Variants in KAZN observed in about 807,000 individuals in gnomAD.
The protein encoded by KAZN is kazrin.
A neutral mutation model predicts 87.4 loss-of-function variants in KAZN; 40 were observed. That is an observed-to-expected ratio of 0.46 (90% confidence interval 0.36 to 0.60). KAZN has a LOEUF of 0.60. Among genes scored for constraint, KAZN ranks in the 20% least tolerant of loss-of-function variants. KAZN has a pLI of 0.00. For synonymous variants in KAZN, 466 were observed against 458.3 expected (o/e 1.02, Z -0.22); for missense variants, 898 against 1,073.9 (o/e 0.84, Z 2.29).
At chr1:14,891,108 T>TGCTGGGATTACAGG (rs1654672418) in intron 1 of KAZN, among the ~76,000 whole-genome samples, 1 of 152,100 alleles carries the variant, frequency 6.6e-6, no homozygotes, top group South Asian at 2.1e-4. Context: ...CCTCCCAAAG[T>TGCTGGGATTACAGG]GCTGGGATTA....
At chr1:14,816,376 C>A (rs765598330) in intron 1 of KAZN, among the ~76,000 whole-genome samples, 2 of 152,138 alleles carry the variant, frequency 1.3e-5, no homozygotes, top group Non-Finnish European at 2.9e-5. Context: ...GGGGAACAAC[C>A]CACTGCTATG....
At chr1:14,119,881 T>C (rs2101698269) in intron 1 of KAZN, among the ~76,000 whole-genome samples, 2 of 144,162 alleles carry the variant, frequency 1.4e-5, no homozygotes, top group East Asian at 4.2e-4. Flanking sequence ...AGCAGGTCTT[T>C]GCCATGTGCC....
intron 1 of KAZN, among the ~76,000 whole-genome samples, chr1:14,613,751 A>G (rs1677996588): frequency 6.6e-6 from 1 of 152,218 alleles, no homozygotes; most frequent in Admixed American, 6.5e-5. Flanking sequence ...CTGGCCACCC[A>G]GAGTCTCTGC....
intron 1 of KAZN, among the ~76,000 whole-genome samples, chr1:13,951,781 A>G (rs148113126): frequency 1.4e-4 from 21 of 152,302 alleles, no homozygotes; most frequent in Admixed American, 1.0e-3. Context: ...CAGGCAAGCC[A>G]TACAGACATA....
intron 2 of KAZN, among the ~76,000 whole-genome samples, chr1:14,583,256 A>G (rs1388294988): frequency 6.6e-6 from 1 of 152,214 alleles, no homozygotes; most frequent in Non-Finnish European, 1.5e-5. Flanking sequence ...AAGCTAGTAC[A>G]CTATCCTGCC....
intron 2 of KAZN, among the ~76,000 whole-genome samples, chr1:14,555,164 G>T (rs180834772): frequency 2.5e-3 from 381 of 152,328 alleles, no homozygotes; most frequent in African/African-American, 9.0e-3. Flanking sequence ...AATAGCAATT[G>T]AGTGGGGACA....
intron 1 of KAZN, among the ~76,000 whole-genome samples, chr1:14,879,111 G>A (rs182279211): frequency 2.3e-4 from 35 of 152,272 alleles, no homozygotes; most frequent in African/African-American, 8.2e-4. Context: ...GATTGCATTG[G>A]GCATTTGAGC....
intron 1 of KAZN, among the ~76,000 whole-genome samples, chr1:14,076,046 C>T (rs1643444164): frequency 6.6e-6 from 1 of 152,118 alleles, no homozygotes; most frequent in Admixed American, 6.6e-5. Flanking sequence ...CTTTGGGAGG[C>T]TGAGGCAGGT....
At chr1:15,083,310 A>G (rs1481314310) in intron 8 of KAZN, among the ~76,000 whole-genome samples, 1 of 152,212 alleles carries the variant, frequency 6.6e-6, no homozygotes, top group Non-Finnish European at 1.5e-5. Flanking sequence ...GGAAAGTAGT[A>G]CATAGCAAAA....
At chr1:14,340,888 C>CTTTTTTTTTTTT (rs3085672) in intron 2 of KAZN, among the ~76,000 whole-genome samples, 1,187 of 103,112 alleles carry the variant, frequency 0.012, 144 homozygotes, top group African/African-American at 0.038. Context: ...ATGATTTTCC[C>CTTTTTTTTTTTT]TTTTTTTTTT....
chr1:14,118,519 C>A (rs1163570811), intron 1 of KAZN, among the ~76,000 whole-genome samples: 2 of 152,170 alleles, frequency 1.3e-5, no homozygotes, highest in Non-Finnish European at 2.9e-5. Flanking sequence ...ATTTACTGTA[C>A]ATTCCTGAAA....
At chr1:14,993,167 T>TA (rs57404016) in intron 2 of KAZN, among the ~76,000 whole-genome samples, 4,922 of 133,146 alleles carry the variant, frequency 0.037, 252 homozygotes, top group African/African-American at 0.12. Context: ...CATAAGCAAT[T>TA]AAAAAAAAAA....
intron 1 of KAZN, among the ~76,000 whole-genome samples, chr1:14,667,821 A>T (rs916291294): frequency 2.0e-5 from 3 of 150,972 alleles, no homozygotes; most frequent in East Asian, 2.0e-4. Context: ...AAAAAAAAAA[A>T]GAATGAAAAT....
chr1:14,031,954 G>C (rs1188923875), intron 1 of KAZN, among the ~76,000 whole-genome samples: 5 of 152,262 alleles, frequency 3.3e-5, no homozygotes, highest in Admixed American at 2.0e-4. Context: ...GGGACAAACT[G>C]TTTTTTGCCC....
intron 1 of KAZN, among the ~76,000 whole-genome samples, chr1:14,671,091 A>C (rs1311151486): frequency 6.6e-6 from 1 of 152,188 alleles, no homozygotes; most frequent in Non-Finnish European, 1.5e-5. Context: ...GAAGTTGCCT[A>C]ATCACAGATG....
At chr1:14,408,269 T>C (rs1035089367) in intron 2 of KAZN, among the ~76,000 whole-genome samples, 3 of 152,204 alleles carry the variant, frequency 2.0e-5, no homozygotes, top group African/African-American at 7.2e-5. Context: ...ATGTATCTTT[T>C]GGTTTTTAGA....
chr1:14,405,516 G>C (rs541509484), intron 2 of KAZN, among the ~76,000 whole-genome samples: 2 of 151,876 alleles, frequency 1.3e-5, no homozygotes, highest in African/African-American at 2.4e-5. Context: ...GAGTCCAAAA[G>C]ACCTGCCTCA....
chr1:13,935,317 C>A (rs1017721230), intron 1 of KAZN, among the ~76,000 whole-genome samples: 2 of 149,358 alleles, frequency 1.3e-5, no homozygotes, highest in African/African-American at 5.0e-5. Context: ...GTTATCCAAT[C>A]TTTCCAACAA....
At chr1:14,994,223 G>T (rs1002941312) in intron 2 of KAZN, among the ~76,000 whole-genome samples, 9 of 152,224 alleles carry the variant, frequency 5.9e-5, no homozygotes, top group Admixed American at 2.0e-4. Flanking sequence ...GTGGCCCTTG[G>T]GGACTTCTCA....
Sources: gnomAD v4.1 joint callset for allele counts (sites outside exome capture counted in the v4.1 genomes callset) on GRCh38, gnomAD v4.1.1 for gene constraint, MANE v1.5 for transcripts, NCBI Gene and HGNC (gene_info 2026-07-23, HGNC 2026-07-21) for gene names.